Variants in SYNPO2L observed in about 807,000 individuals in gnomAD.
The protein encoded by SYNPO2L is synaptopodin 2 like.
Under a neutral mutation model 47.5 loss-of-function variants are expected in SYNPO2L, and 34 were observed. The observed-to-expected ratio is 0.72, with a 90% confidence interval of 0.54 to 0.95. SYNPO2L has a LOEUF of 0.95. SYNPO2L is among the 40% of genes least tolerant of loss of function. The probability of loss-of-function intolerance (pLI) is 0.00; values close to 1 mark genes in which losing one functional copy is unlikely to be tolerated. For synonymous variants in SYNPO2L, 536 were observed against 524.9 expected, an observed-to-expected ratio of 1.02 and a Z score of -0.29; for missense variants, 1,246 against 1,282.0, an observed-to-expected ratio of 0.97 and a Z score of 0.43.
Position 73,647,385 on chromosome 10 carries a change from C to T in SYNPO2L, c.2267G>A (p.Gly756Asp). The T allele has an allele frequency of 1.2e-6, 2 of 1,614,008 alleles. No individual in the cohort carries two copies. The highest frequency in any genetic ancestry group is 1.7e-6 in the Non-Finnish European group (2 of 1,179,950). ...AGIPEPPRLQGRGGELFAKRQ... is the reference protein window; with the variant it reads ...AGIPEPPRLQDRGGELFAKRQ... ...CTTAGCAAACAGCTCCCCACCCCTG[C>T]CCTGCAGCCTTGGTGGCTCAGGGAT... Residue 756 changes from glycine (G) to aspartate (D), a missense_variant, in exon 4 of 4, where the codon GGC (glycine) becomes GAC (aspartate). Physicochemically the swap from Gly to Asp is moderately conservative, Grantham distance 94 (BLOSUM62 -1). This residue lies in a region of SYNPO2L where 1,037 missense variants were observed against 1,021.5 expected (regional missense o/e 1.02). Coordinates refer to ENST00000394810, the MANE Select transcript of SYNPO2L (RefSeq NM_001114133.3).
chr10:73,646,975 G>C lies in SYNPO2L; in HGVS notation c.2677C>G (p.Pro893Ala). Residue 893 changes from proline to alanine, a missense_variant, in exon 4 of 4, where the codon CCG (proline) becomes GCG (alanine). Pro to Ala is a conservative substitution (Grantham distance 27, BLOSUM62 -1). Transcript: ENST00000394810. The part of the protein sequence containing the change: ...RVQEIRRFST[P>A]APQPTAEPLA... Reference sequence around the variant, plus strand: ...GGTTCTGCAGTGGGCTGGGGTGCCGGAGTGGAAAACCGGCGAATCTCCTGG... The same window carrying C: ...GGTTCTGCAGTGGGCTGGGGTGCCGCAGTGGAAAACCGGCGAATCTCCTGG... 2 of 1,612,380 alleles carry C rather than the reference G, an allele frequency of 1.2e-6. No homozygotes were observed. Among genetic ancestry groups the C allele is most frequent in the Middle Eastern group, 1.7e-4 (1 of 6,054 alleles).
In SYNPO2L at chr10:73,646,913, A is replaced by G. The variant is rs771421521; in HGVS notation, c.2739T>C (p.Thr913=). 31 of 1,583,946 alleles carry G rather than the reference A, an allele frequency of 2.0e-5. 1 individual carries two copies. In the Middle Eastern group the frequency reaches 5.1e-4, roughly 26 times the overall value. ...APTVLAPRAA[T]TLDEPIWRTE... ...TTCTCCAGATGGGCTCATCCAGTGT[A>G]GTGGCTGCTCGGGGGGCAAGCACAG... Residue 913 remains threonine, a synonymous_variant, in exon 4 of 4, where the codon ACT becomes ACC. Transcript: ENST00000394810.
At chr10:73,650,849 A>G (rs1307838241) in intron 3 of SYNPO2L, 3 of 1,496,580 alleles carry the variant, frequency 2.0e-6, no homozygotes, top group East Asian at 4.9e-5. Flanking sequence ...TTCCTAAACT[A>G]TTGACATCTT....
intron 3 of SYNPO2L, chr10:73,650,143 G>A (rs2081828722): frequency 1.0e-6 from 1 of 985,286 alleles, no homozygotes; most frequent in Non-Finnish European, 1.2e-6. Context: ...ATACTCTCTG[G>A]TCCATGGTCC....
Position 73,648,087 on chromosome 10 carries a change from G to C in SYNPO2L, c.1565C>G (p.Thr522Ser). 6.4e-7 allele frequency: 1 copy of C among 1,569,770 alleles called. No homozygotes were observed. Among genetic ancestry groups the C allele is most frequent in the Non-Finnish European group, 8.6e-7 (1 of 1,159,828 alleles). ...TGGCGCGTGGCTGGGAACCCCTGAA[G>C]TGAAGCTGGGCAGAGGGGTGGGCCC... ...SQGPTPLPSF[T>S]SGVPSHAPVS... The change falls in exon 4 of 4, where the codon ACT becomes AGT. Residue 522 changes from threonine to serine, a missense_variant. Physicochemically the swap from Thr to Ser is moderately conservative, Grantham distance 58. Transcript: ENST00000394810.
Position 73,653,217 on chromosome 10 carries a change from T to A in SYNPO2L, c.694A>T (p.Ile232Phe). 2 of 1,501,536 alleles carry A rather than the reference T, an allele frequency of 1.3e-6. No individual in the cohort carries two copies. The highest frequency in any genetic ancestry group is 2.5e-5 in the East Asian group (1 of 40,388). The allele number at this position is 1,501,536 out of a possible 1,614,324, so 93.0% of individuals were successfully genotyped here. The part of the protein sequence containing the change: ...HGPLRPGPHL[I>F]PMVGPVPHPV... The stretch of plus-strand genomic sequence containing the variant: ...TGGGGAACAGGCCCCACCATAGGGA[T>A]GAGATGAGGACCAGGTCGGAGGGGG... The change falls in exon 3 of 4, where the codon ATC becomes TTC. Residue 232 changes from isoleucine to phenylalanine, a missense_variant. Ile to Phe is a conservative substitution (Grantham distance 21). This residue lies in a region of SYNPO2L where 1,037 missense variants were observed against 1,021.5 expected (regional missense o/e 1.02). Coordinates refer to ENST00000394810, the MANE Select transcript of SYNPO2L (RefSeq NM_001114133.3).
At position 73,653,622 on chromosome 10, in the gene SYNPO2L, A is replaced by G. The variant is rs2081858065; in HGVS notation, c.289T>C (p.Ser97Pro). 2.6e-6 allele frequency: 4 copies of G among 1,550,196 alleles called. No homozygotes were observed. In the African/African-American group the frequency reaches 5.5e-5, roughly 21 times the overall value. ...LADEGPVQSP[S>P]PHELQVLSPL... is the part of the protein sequence containing the mutation. Reference sequence around the variant, plus strand: ...GACAGCACCTGAAGCTCATGGGGAGATGGAGATTGCACAGGACCCTCGTCT... The same window carrying G: ...GACAGCACCTGAAGCTCATGGGGAGGTGGAGATTGCACAGGACCCTCGTCT... Residue 97 changes from serine to proline, a missense_variant, in exon 3 of 4, where the codon TCT becomes CCT. Transcript: ENST00000394810.
At position 73,647,783 on chromosome 10, in the gene SYNPO2L, G is replaced by A. The variant is rs150403805; in HGVS notation, c.1869C>T (p.Ile623=). 2.5e-6 allele frequency: 4 copies of A among 1,612,490 alleles called. No homozygotes were observed. The highest frequency in any genetic ancestry group is 1.3e-5 in the African/African-American group (1 of 75,026). Residue 623 remains isoleucine, a synonymous_variant, in exon 4 of 4, where the codon ATC becomes ATT. Transcript: ENST00000394810. ...RISVPAARTG[I]LQEARRRGTR... Reference sequence around the variant, plus strand: ...TCCCCCGGCGCCGGGCCTCCTGCAGGATACCCGTGCGGGCAGCTGGCACAG... The same window carrying A: ...TCCCCCGGCGCCGGGCCTCCTGCAGAATACCCGTGCGGGCAGCTGGCACAG...
chr10:73,653,723 TGGAGGGAAGAGGTAAGGG>T (rs549432776), intron 2 of SYNPO2L, 70 bp from the exon 3 acceptor site: 1,706 of 1,457,804 alleles, frequency 1.2e-3, no homozygotes, highest in Non-Finnish European at 1.4e-3. Context: ...CTGGAAGGGA[TGGAGGGAAGAGGTAAGGG>T]GGAGGGAAGA....
Position 73,648,339 on chromosome 10 carries a change from C to A in SYNPO2L, c.1313G>T (p.Ser438Ile), listed in dbSNP as rs1374260257. 16 of 1,604,914 alleles carry A rather than the reference C, an allele frequency of 1.0e-5. No individual in the cohort carries two copies. The highest frequency in any genetic ancestry group is 8.4e-5 in the Admixed American group (5 of 59,642). The change falls in exon 4 of 4, where the codon AGC (serine) becomes ATC (isoleucine). Residue 438 changes from serine (S) to isoleucine (I), a missense_variant. Physicochemically the swap from Ser to Ile is moderately radical, Grantham distance 142 (BLOSUM62 -2). Around this residue, in one of 3 missense-constraint regions of SYNPO2L, gnomAD observed 1,037 missense variants for 1,021.5 expected, o/e 1.02. Coordinates refer to ENST00000394810, the MANE Select transcript of SYNPO2L (RefSeq NM_001114133.3). ...APPEAAVLPP[S>I]PLPAPVASPR... ...GCTGGCTACAGGCGCCGGCAAGGGG[C>A]TGGGTGGGAGCACAGCTGCCTCTGG...
rs1450992448 is a variant in SYNPO2L at position 73,647,017 on chromosome 10, G to C, written c.2635C>G (p.Pro879Ala). 6 of 1,613,576 alleles carry C rather than the reference G, an allele frequency of 3.7e-6. No individual in the cohort carries two copies. Among genetic ancestry groups the C allele is most frequent in the Non-Finnish European group, 5.1e-6 (6 of 1,179,596 alleles). The change falls in exon 4 of 4, where the codon CCC becomes GCC. Residue 879 changes from proline (P) to alanine (A), a missense_variant. Pro to Ala is a conservative substitution (Grantham distance 27, BLOSUM62 -1). Coordinates refer to ENST00000394810, the MANE Select transcript of SYNPO2L (RefSeq NM_001114133.3). Reference sequence around the variant, plus strand: ...ATCTCCTGGACTCGGGCAGTTTTGGGGGACCCTGAGGCGATAGGGCCAGGA... The same window carrying C: ...ATCTCCTGGACTCGGGCAGTTTTGGCGGACCCTGAGGCGATAGGGCCAGGA... ...PTPGPIASGS[P>A]KTARVQEIRR...
Position 73,648,536 on chromosome 10 carries a change from C to T in SYNPO2L, c.1116G>A (p.Gln372=). The change falls in exon 4 of 4, where the codon CAG becomes CAA. Residue 372 remains glutamine, a synonymous_variant. Coordinates refer to ENST00000394810, the MANE Select transcript of SYNPO2L (RefSeq NM_001114133.3). ...TCAGCTGCCCTCCCAGCCCAGAGCC[C>T]TGGCCCTCTGATGCTCTTGAGCCCG... ...ARAGSRASEG[Q]GSGLGGQLSE... 6.2e-7 allele frequency: 1 copy of T among 1,614,164 alleles called. No individual in the cohort carries two copies. Among genetic ancestry groups the T allele is most frequent in the East Asian group, 2.2e-5 (1 of 44,886 alleles).
At chr10:73,655,174 G>C (rs1378139820) in intron 1 of SYNPO2L, among the ~76,000 whole-genome samples, 1 of 152,290 alleles carries the variant, frequency 6.6e-6, no homozygotes, top group African/African-American at 2.4e-5. Flanking sequence ...CCTTAGAATG[G>C]TTCCATGAAG....
At chr10:73,652,394 C>T (rs2081848449) in intron 3 of SYNPO2L, among the ~76,000 whole-genome samples, 1 of 151,830 alleles carries the variant, frequency 6.6e-6, no homozygotes, top group Non-Finnish European at 1.5e-5. Flanking sequence ...TTCTGCCGGG[C>T]ATGGTGGCTC....
At chr10:73,651,671 C>T (rs546817972) in intron 3 of SYNPO2L, among the ~76,000 whole-genome samples, 2 of 152,258 alleles carry the variant, frequency 1.3e-5, no homozygotes, top group South Asian at 4.1e-4. Flanking sequence ...AGATAAGGAG[C>T]CAAAGCTCCC....
Position 73,647,644 on chromosome 10 carries a change from A to T in SYNPO2L, c.2008T>A (p.Ser670Thr), listed in dbSNP as rs1303526583. The change falls in exon 4 of 4, where the codon TCT becomes ACT. Residue 670 changes from serine (S) to threonine (T), a missense_variant. Physicochemically the swap from Ser to Thr is moderately conservative, Grantham distance 58. Transcript: ENST00000394810. The part of the protein sequence containing the change: ...DEKPRAGGAE[S>T]GPEEDALSLG... Reference sequence around the variant, plus strand: ...CTCAGAGCATCTTCTTCAGGACCAGATTCTGCACCCCCGGCCCGAGGCTTT... The same window carrying T: ...CTCAGAGCATCTTCTTCAGGACCAGTTTCTGCACCCCCGGCCCGAGGCTTT... 4 of 1,614,032 alleles carry T rather than the reference A, an allele frequency of 2.5e-6. No individual in the cohort carries two copies. The highest frequency in any genetic ancestry group is 1.7e-5 in the Admixed American group (1 of 60,002).
chr10:73,653,138 C>G lies in SYNPO2L; in HGVS notation c.772+1G>C, dbSNP rs774238741. The stretch of plus-strand genomic sequence containing the variant: ...TGGGGAAAAGGGGTTCAGGCACTCA[C>G]TGGCTTGCTTGGCCTTCTGGGTGTA... On this transcript the variant is annotated splice_donor_variant, in intron 3 of 3. Transcript: ENST00000394810. LOFTEE classifies it high-confidence loss of function. The G allele has an allele frequency of 2.8e-6, 4 of 1,446,788 alleles. No individual in the cohort carries two copies. The highest frequency in any genetic ancestry group is 3.6e-6 in the Non-Finnish European group (4 of 1,095,940). The allele number at this position is 1,446,788 out of a possible 1,614,324, so 89.6% of individuals were successfully genotyped here.
At chr10:73,651,000 G>T in intron 3 of SYNPO2L, 5 of 1,612,954 alleles carry the variant, frequency 3.1e-6, no homozygotes, top group Non-Finnish European at 3.4e-6. Context: ...GGGCTCAAAG[G>T]TCTCCATGCT....
In SYNPO2L at chr10:73,655,872, C is replaced by G. The variant is rs757197048; in HGVS notation, c.51G>C (p.Trp17Cys). 2 of 1,551,202 alleles carry G rather than the reference C, an allele frequency of 1.3e-6. No individual in the cohort carries two copies. Among genetic ancestry groups the G allele is most frequent in the South Asian group, 1.2e-5 (1 of 84,026 alleles). ...CGGCCCCCCCATGAAGTCGGAAGCC[C>G]CAGGGGGCTCCCCCTGATAGTGTGA... ...VLVTLSGGAP[W>C]GFRLHGGAEQ... Residue 17 changes from tryptophan to cysteine, a missense_variant, in exon 1 of 4, where the codon TGG becomes TGC. Transcript: ENST00000394810.
Sources: allele counts gnomAD v4.1 joint callset (sites outside exome capture counted in the v4.1 genomes callset), GRCh38; gene constraint gnomAD v4.1.1; regional missense constraint gnomAD v4.1.1; transcripts MANE v1.5; gene names NCBI Gene and HGNC (gene_info 2026-07-23, HGNC 2026-07-21).